Variants in AFG2A observed in about 807,000 individuals in gnomAD.
AFG2A encodes AAA ATPase AFG2A, also known as ATPase family gene 2 protein homolog A.
chr4:123,009,299 T>C, the AFG2A span, among the ~76,000 whole-genome samples: 2 of 152,178 alleles, frequency 1.3e-5, no homozygotes, highest in African/African-American at 2.4e-5. Context: ...GTCACGTTGG[T>C]ATACTACAGT....
the AFG2A span, among the ~76,000 whole-genome samples, chr4:123,205,076 A>G: frequency 6.6e-6 from 1 of 152,198 alleles, no homozygotes; most frequent in African/African-American, 2.4e-5. Flanking sequence ...GTCAGTGCCC[A>G]TTGAGATATA....
At chr4:123,218,808 A>G in the AFG2A span, among the ~76,000 whole-genome samples, 4 of 152,162 alleles carry the variant, frequency 2.6e-5, no homozygotes, top group African/African-American at 9.7e-5. Context: ...TTGAGTGGGA[A>G]TTGGAAGGAG....
chr4:123,088,639 C>T, the AFG2A span, among the ~76,000 whole-genome samples: 6 of 152,214 alleles, frequency 3.9e-5, no homozygotes, highest in African/African-American at 1.4e-4. Context: ...CAGATTTCCC[C>T]CTTTCAGTTC....
At chr4:123,211,239 T>A in the AFG2A span, among the ~76,000 whole-genome samples, 1 of 152,304 alleles carries the variant, frequency 6.6e-6, no homozygotes, top group African/African-American at 2.4e-5. Flanking sequence ...AAAGTTTGTT[T>A]GCATTTTCAA....
At chr4:123,008,643 G>A in the AFG2A span, among the ~76,000 whole-genome samples, 1 of 151,906 alleles carries the variant, frequency 6.6e-6, no homozygotes, top group South Asian at 2.1e-4. Flanking sequence ...GCAGTTTTAA[G>A]TATACATTTT....
chr4:123,243,750 G>C, the AFG2A span, among the ~76,000 whole-genome samples: 2 of 151,878 alleles, frequency 1.3e-5, no homozygotes, highest in African/African-American at 4.8e-5. Flanking sequence ...AAAAAATTCA[G>C]TTACAACCAG....
the AFG2A span, among the ~76,000 whole-genome samples, chr4:122,944,007 T>C: frequency 6.6e-6 from 1 of 152,322 alleles, no homozygotes; most frequent in South Asian, 2.1e-4. Context: ...AGAGATCCGC[T>C]GTTAGTCTGA....
At chr4:123,110,044 T>C in the AFG2A span, among the ~76,000 whole-genome samples, 3 of 152,284 alleles carry the variant, frequency 2.0e-5, no homozygotes, top group Admixed American at 1.3e-4. Context: ...CTTCTCACTT[T>C]AGCTACATGT....
At chr4:123,203,712 C>T in the AFG2A span, among the ~76,000 whole-genome samples, 2 of 152,234 alleles carry the variant, frequency 1.3e-5, no homozygotes, top group African/African-American at 4.8e-5. Context: ...TGACCATCCA[C>T]ATACAAACTT....
At chr4:122,931,535 CAT>C in the AFG2A span, among the ~76,000 whole-genome samples, 5 of 152,046 alleles carry the variant, frequency 3.3e-5, no homozygotes, top group African/African-American at 4.8e-5. Flanking sequence ...ACACATTTTA[CAT>C]AGATTATAAC....
chr4:123,292,572 T>C, the AFG2A span, among the ~76,000 whole-genome samples: 37 of 152,334 alleles, frequency 2.4e-4, no homozygotes, highest in Non-Finnish European at 1.5e-5. Context: ...GACTTTAATG[T>C]TTGCGGTATA....
the AFG2A span, among the ~76,000 whole-genome samples, chr4:123,042,161 G>A: frequency 2.6e-5 from 4 of 152,016 alleles, no homozygotes; most frequent in Non-Finnish European, 5.9e-5. Context: ...CTTATTTCAG[G>A]CTGCTATAAC....
chr4:123,170,054 T>C, the AFG2A span, among the ~76,000 whole-genome samples: 2 of 152,198 alleles, frequency 1.3e-5, no homozygotes, highest in South Asian at 4.1e-4. Context: ...AATTGTAATA[T>C]TTTTAGTAGT....
chr4:123,265,901 C>T, the AFG2A span, among the ~76,000 whole-genome samples: 8 of 152,020 alleles, frequency 5.3e-5, no homozygotes, highest in Non-Finnish European at 1.2e-4. Flanking sequence ...TCTATTTCCT[C>T]ATTCTTTTTC....
chr4:122,999,789 G>C, the AFG2A span, among the ~76,000 whole-genome samples: 1 of 151,978 alleles, frequency 6.6e-6, no homozygotes, highest in South Asian at 2.1e-4. Context: ...TTGGCGATGC[G>C]GGCTCTTTTT....
chr4:123,092,078 A>G, the AFG2A span, among the ~76,000 whole-genome samples: 3 of 152,354 alleles, frequency 2.0e-5, no homozygotes, highest in South Asian at 4.1e-4. Context: ...TTAAAAAATC[A>G]TTCCCTTCCT....
chr4:123,314,753 T>C, the AFG2A span: 1 of 124,570 alleles, frequency 8.0e-6, no homozygotes, highest in Non-Finnish European at 1.7e-5. Context: ...TGTTGTTGTT[T>C]TGTCTTTTTT....
chr4:123,040,541 C>T, the AFG2A span, among the ~76,000 whole-genome samples: 1 of 152,146 alleles, frequency 6.6e-6, no homozygotes, highest in Non-Finnish European at 1.5e-5. Flanking sequence ...TTTTAGATCC[C>T]ACAATACGTG....
the AFG2A span, among the ~76,000 whole-genome samples, chr4:123,261,450 G>A: frequency 6.6e-6 from 1 of 152,092 alleles, no homozygotes; most frequent in African/African-American, 2.4e-5. Context: ...TGAAAATATA[G>A]CATGACAACT....
Sources: allele counts gnomAD v4.1 joint callset (sites outside exome capture counted in the v4.1 genomes callset), GRCh38; gene constraint gnomAD v4.1.1; transcripts MANE v1.5; gene names NCBI Gene and HGNC (gene_info 2026-07-23, HGNC 2026-07-21).